The following PLPPR1 variants were observed in gnomAD, a reference collection of about 807,000 sequenced individuals.
PLPPR1 encodes the protein phospholipid phosphatase related 1.
A neutral mutation model predicts 33.1 loss-of-function variants in PLPPR1; 10 were observed. The ratio of observed to expected loss-of-function variants is 0.30; its 90% CI spans 0.19 to 0.51. The LOEUF (loss-of-function observed/expected upper bound fraction) is 0.51. Among genes scored for constraint, PLPPR1 ranks in the 20% least tolerant of loss-of-function variants. The probability of loss-of-function intolerance (pLI) is 0.97; values close to 1 mark genes in which losing one functional copy is unlikely to be tolerated. For missense variants in PLPPR1, 304 were observed against 408.1 expected (o/e 0.74, Z 2.20); for synonymous variants, 151 against 151.0 (o/e 1.00, Z 0.00).
At chr9:101,247,705 C>T (rs967360459) in intron 2 of PLPPR1, among the ~76,000 whole-genome samples, 1 of 152,032 alleles carries the variant, frequency 6.6e-6, no homozygotes, top group Non-Finnish European at 1.5e-5. Flanking sequence ...ATGAGCTGTG[C>T]TGTGTTTGCA....
intron 4 of PLPPR1, among the ~76,000 whole-genome samples, chr9:101,293,396 A>C (rs1050643101): frequency 6.6e-6 from 1 of 151,862 alleles, no homozygotes; most frequent in African/African-American, 2.4e-5. Flanking sequence ...CAGATCAACG[A>C]GACAGAAAGT....
chr9:101,055,471 G>T (rs554810405), intron 1 of PLPPR1, among the ~76,000 whole-genome samples: 7 of 152,284 alleles, frequency 4.6e-5, no homozygotes, highest in Non-Finnish European at 1.0e-4. Flanking sequence ...CAAAAGATCG[G>T]TTAATCAATT....
chr9:101,275,254 T>A (rs915539619), intron 3 of PLPPR1, among the ~76,000 whole-genome samples: 1 of 152,208 alleles, frequency 6.6e-6, no homozygotes, highest in African/African-American at 2.4e-5. Context: ...TGGAAGAACC[T>A]AGCACCCTGC....
At chr9:101,066,199 T>TA (rs1431633235) in intron 1 of PLPPR1, among the ~76,000 whole-genome samples, 3 of 152,068 alleles carry the variant, frequency 2.0e-5, no homozygotes, top group African/African-American at 7.2e-5. Context: ...GTTTGTCTGA[T>TA]ATTTTCTCAT....
intron 1 of PLPPR1, among the ~76,000 whole-genome samples, chr9:101,143,775 AAAC>A (rs1651691201): frequency 6.6e-6 from 1 of 152,196 alleles, no homozygotes; most frequent in African/African-American, 2.4e-5. Context: ...AAAAGTCAGG[AAAC>A]AACAGATGCT....
At chr9:101,251,575 A>G (rs1357590390) in intron 2 of PLPPR1, among the ~76,000 whole-genome samples, 1 of 151,642 alleles carries the variant, frequency 6.6e-6, no homozygotes, top group African/African-American at 2.4e-5. Flanking sequence ...CGGACTATAT[A>G]AAGAAATTTA....
chr9:101,106,169 G>T (rs1424661203), intron 1 of PLPPR1, among the ~76,000 whole-genome samples: 1 of 150,320 alleles, frequency 6.7e-6, no homozygotes, highest in Admixed American at 6.6e-5. Context: ...ATATTGTTAT[G>T]TGTGAATTTG....
chr9:101,071,605 G>GGAGAGAGAGAGAGAGA lies in PLPPR1; in HGVS notation c.-46+42510_-46+42525dup, dbSNP rs3080736. ...CATGTGAGAGCAATGGGAGTGAGAA[G>GGAGAGAGAGAGAGAGA]GAGAGAGAGAGAGAGAGAGAGACAG... On this transcript the variant is annotated intron_variant, in intron 1 of 7. Coordinates refer to ENST00000374874, the MANE Select transcript of PLPPR1 (RefSeq NM_207299.2). Among the ~76,000 whole-genome samples, 136 of 149,106 alleles carry GGAGAGAGAGAGAGAGA rather than the reference G, an allele frequency of 9.1e-4. 1 individual carries two copies. Among genetic ancestry groups the GGAGAGAGAGAGAGAGA allele is most frequent in the African/African-American group, 3.2e-3 (128 of 40,372 alleles).
intron 1 of PLPPR1, among the ~76,000 whole-genome samples, chr9:101,143,189 C>T (rs75084602): frequency 0.01 from 1,579 of 152,258 alleles, 10 homozygotes; most frequent in Middle Eastern, 0.02. Context: ...TATTGTTGCT[C>T]TAACTAGAAA....
intron 2 of PLPPR1, among the ~76,000 whole-genome samples, chr9:101,192,173 C>A (rs1035573131): frequency 2.6e-5 from 4 of 152,156 alleles, no homozygotes; most frequent in African/African-American, 9.7e-5. Flanking sequence ...AAACGAATTT[C>A]TCTTGGCCTT....
intron 1 of PLPPR1, among the ~76,000 whole-genome samples, chr9:101,110,179 T>C (rs1158820095): frequency 1.3e-5 from 2 of 152,236 alleles, no homozygotes; most frequent in Non-Finnish European, 2.9e-5. Context: ...TTCACCAGGC[T>C]TCAGAATTCA....
rs142458333 is a variant in PLPPR1, at chr9:101,192,633, A to G, written c.63+7076A>G. 1.4e-4 allele frequency among the ~76,000 whole-genome samples: 21 copies of G among 152,276 alleles called. No individual in the cohort carries two copies. The East Asian group carries it at 3.5e-3, about 25-fold the overall frequency. On this transcript the variant is annotated intron_variant, in intron 2 of 7. Transcript: ENST00000374874. ...TGAAAAACAACAGCTTCTACCCAAT[A>G]TAAAACAACAAATTTGAAAAGAAAA...
intron 1 of PLPPR1, among the ~76,000 whole-genome samples, chr9:101,114,318 C>T (rs1348053619): frequency 6.6e-6 from 1 of 152,116 alleles, no homozygotes; most frequent in African/African-American, 2.4e-5. Flanking sequence ...AGTAACTCAC[C>T]AAAATCACAT....
At chr9:101,188,845 C>T (rs991843699) in intron 2 of PLPPR1, among the ~76,000 whole-genome samples, 2 of 152,022 alleles carry the variant, frequency 1.3e-5, no homozygotes, top group African/African-American at 2.4e-5. Context: ...TTGGCTACTT[C>T]GAGCTCTTAT....
chr9:101,060,335 T>C (rs1279464605), intron 1 of PLPPR1, among the ~76,000 whole-genome samples: 1 of 151,956 alleles, frequency 6.6e-6, no homozygotes, highest in Non-Finnish European at 1.5e-5. Context: ...ATTAGGGAGA[T>C]GCTTGTCAAA....
At position 101,280,933 on chromosome 9, in the gene PLPPR1, A is replaced by G. The variant is rs146200214; in HGVS notation, c.253-5171A>G. ...GAAGTGCTAGCTAGAGCAATCAGAC[A>G]AAAGAAAGAAAGAAGGAACATCCAA... On this transcript the variant is annotated intron_variant, in intron 3 of 7. Transcript: ENST00000374874. 8.3e-3 allele frequency among the ~76,000 whole-genome samples: 1,267 copies of G among 152,238 alleles called. 13 individuals carry two copies. The highest frequency in any genetic ancestry group is 0.017 in the Middle Eastern group (5 of 294).
In PLPPR1 at chr9:101,246,107, T is replaced by TATAGATAGATAGATAG. The variant is rs1249953933; in HGVS notation, c.64-23770_64-23755dup. On this transcript the variant is annotated intron_variant, in intron 2 of 7. Transcript: ENST00000374874. The stretch of plus-strand genomic sequence containing the variant: ...ATATATATATATATATATATATATA[T>TATAGATAGATAGATAG]ATAGATAGATAGATAGATTTGTATA... Among the ~76,000 whole-genome samples the TATAGATAGATAGATAG allele has an allele frequency of 2.5e-3, 242 of 98,206 alleles. 4 individuals are homozygous for TATAGATAGATAGATAG. The highest frequency in any genetic ancestry group is 3.5e-3 in the Non-Finnish European group (152 of 43,848). The allele number at this position is 98,206 out of a possible 152,430, so 64.4% of individuals were successfully genotyped here. A position where few individuals can be genotyped will look rare whatever the true frequency, so the allele number is the denominator to read the frequency against.
intron 1 of PLPPR1, among the ~76,000 whole-genome samples, chr9:101,115,362 T>C (rs1333398716): frequency 1.3e-5 from 2 of 152,148 alleles, no homozygotes; most frequent in Non-Finnish European, 2.9e-5. Flanking sequence ...GTTGTGAGAG[T>C]GATGACTGAT....
chr9:101,176,558 C>A (rs575218606), intron 1 of PLPPR1, among the ~76,000 whole-genome samples: 2 of 152,284 alleles, frequency 1.3e-5, no homozygotes, highest in South Asian at 4.1e-4. Flanking sequence ...TAATGAGGTA[C>A]CTCTGTCTCC....
Sources: gnomAD v4.1 joint callset for allele counts (sites outside exome capture counted in the v4.1 genomes callset) on GRCh38, gnomAD v4.1.1 for gene constraint, MANE v1.5 for transcripts, NCBI Gene and HGNC (gene_info 2026-07-23, HGNC 2026-07-21) for gene names.